The following ATP6V1B2 variants were observed in gnomAD, a reference collection of about 807,000 sequenced individuals.
The protein encoded by ATP6V1B2 is V-type proton ATPase subunit B, brain isoform.
A neutral mutation model predicts 66.7 loss-of-function variants in ATP6V1B2; 23 were observed. The observed-to-expected ratio is 0.34, with a 90% CI of 0.25 to 0.49. The LOEUF (loss-of-function observed/expected upper bound fraction) is 0.49. Among genes scored for constraint, ATP6V1B2 ranks in the 20% least tolerant of loss-of-function variants. The pLI is 0.99. For synonymous variants in ATP6V1B2, 278 were observed against 236.7 expected, an observed-to-expected ratio of 1.17 and a Z score of -1.60; for missense variants, 478 against 650.8, an observed-to-expected ratio of 0.73 and a Z score of 2.89.
intron 10 of ATP6V1B2, chr8:20,215,352 T>G (rs1440336137): frequency 6.5e-6 from 1 of 154,602 alleles, no homozygotes; most frequent in African/African-American, 2.4e-5. Flanking sequence ...CAGTGCCACA[T>G]GAGGAGTACA....
In ATP6V1B2 at chr8:20,201,227, C is replaced by G. The variant is rs576092926; in HGVS notation, c.137-3257C>G. On this transcript the variant is annotated intron_variant, in intron 1 of 13. Coordinates refer to ENST00000276390, the MANE Select transcript of ATP6V1B2 (RefSeq NM_001693.4). Reference sequence around the variant, plus strand: ...GTTCTGATTATCCCCCATTCACACACCTACGGGCTCAAATTCTTTTTCATT... The same window carrying G: ...GTTCTGATTATCCCCCATTCACACAGCTACGGGCTCAAATTCTTTTTCATT... Among the ~76,000 whole-genome samples the G allele has an allele frequency of 9.8e-5, 15 of 152,288 alleles. No individual in the cohort carries two copies. In the South Asian group the frequency reaches 3.1e-3, roughly 32 times the overall value.
chr8:20,211,070 C>G (rs1403760374), intron 5 of ATP6V1B2, 107 bp from the exon 6 acceptor site: 15 of 1,398,212 alleles, frequency 1.1e-5, no homozygotes, highest in African/African-American at 6.0e-5. Flanking sequence ...TTATGTAGTT[C>G]TGGTCTTCTG....
At chr8:20,216,676 ATTAAGAATC>A in intron 11 of ATP6V1B2, 181 bp downstream of exon 11, 1 of 522,410 alleles carries the variant, frequency 1.9e-6, no homozygotes, top group Non-Finnish European at 3.3e-6. Context: ...GAGCGCCAGA[ATTAAGAATC>A]TTCTTAACAC....
intron 2 of ATP6V1B2, among the ~76,000 whole-genome samples, chr8:20,207,721 T>TA (rs922264492): frequency 5.1e-4 from 66 of 129,988 alleles, no homozygotes; most frequent in African/African-American, 9.9e-4. Context: ...ACTTAAAGTA[T>TA]AAAAAAAAAA....
At chr8:20,198,437 T>C (rs932911489) in intron 1 of ATP6V1B2, among the ~76,000 whole-genome samples, 6 of 152,224 alleles carry the variant, frequency 3.9e-5, no homozygotes, top group African/African-American at 1.4e-4. Flanking sequence ...CTTAATGAAC[T>C]AGGTTTAAGT....
At chr8:20,198,313 G>C (rs1302857747) in intron 1 of ATP6V1B2, among the ~76,000 whole-genome samples, 4 of 152,214 alleles carry the variant, frequency 2.6e-5, no homozygotes, top group Non-Finnish European at 5.9e-5. Context: ...TTACTGACCA[G>C]TTAACCAAAC....
At chr8:20,215,524 C>A (rs1452364069) in intron 10 of ATP6V1B2, 1 of 152,274 alleles carries the variant, frequency 6.6e-6, no homozygotes, top group African/African-American at 2.4e-5. Context: ...TTTTGAACAA[C>A]ACTTTGACAA....
rs955115865 is a variant in ATP6V1B2 at position 20,212,710 on chromosome 8, G to A, written c.804-72G>A. On this transcript the variant is annotated intron_variant, in intron 8 of 13. Coordinates refer to ENST00000276390, the MANE Select transcript of ATP6V1B2 (RefSeq NM_001693.4). ...AAGGGGAATTGTACTGTTATTTCCAGAATCATTTCTTTTTGTGTTTTCTTT... is the reference window on the plus strand; with the variant it reads ...AAGGGGAATTGTACTGTTATTTCCAAAATCATTTCTTTTTGTGTTTTCTTT... The A allele has an allele frequency of 2.5e-6, 4 of 1,572,122 alleles. No homozygotes were observed. In the African/African-American group the frequency reaches 5.5e-5, roughly 22 times the overall value.
intron 2 of ATP6V1B2, among the ~76,000 whole-genome samples, chr8:20,208,655 G>T (rs2072761821): frequency 6.6e-6 from 1 of 151,696 alleles, no homozygotes; most frequent in Non-Finnish European, 1.5e-5. Flanking sequence ...ACTAGATTGA[G>T]GATGAGACTT....
chr8:20,218,158 GTGCTA>G lies in ATP6V1B2; in HGVS notation c.1279_1283del (p.Ala427TrpfsTer20). ...GGTGCCTTTCTTCTCTTTAGTATGC[GTGCTA>G]TGCTATTGGAAAGGATGTGCAAGCC... On this transcript the variant is annotated frameshift_variant, in exon 13 of 14. Coordinates refer to ENST00000276390, the MANE Select transcript of ATP6V1B2 (RefSeq NM_001693.4). LOFTEE classifies it high-confidence loss of function. 1 of 1,612,820 alleles carries G rather than the reference GTGCTA, an allele frequency of 6.2e-7. No individual in the cohort carries two copies.
chr8:20,208,271 A>G (rs2072757951), intron 2 of ATP6V1B2, among the ~76,000 whole-genome samples: 1 of 152,222 alleles, frequency 6.6e-6, no homozygotes. Flanking sequence ...GGAACAACCT[A>G]GAACTCCACT....
In ATP6V1B2 at chr8:20,197,415, G is replaced by T. The variant is rs762871080; in HGVS notation, c.9G>T (p.Leu3=). The T allele has an allele frequency of 1.9e-6, 3 of 1,542,668 alleles. No homozygotes were observed. In the Admixed American group the frequency reaches 5.9e-5, roughly 30 times the overall value. The change falls in exon 1 of 14, where the codon CTG becomes CTT. Residue 3 remains leucine (L), a synonymous_variant. Transcript: ENST00000276390. The stretch of plus-strand genomic sequence containing the variant: ...GGGACAGAGGAGACAAGATGGCGCT[G>T]CGGGCGATGCGGGGGATTGTCAACG... MA[L]RAMRGIVNGA...
intron 2 of ATP6V1B2, among the ~76,000 whole-genome samples, chr8:20,206,610 G>C (rs1289571002): frequency 2.0e-5 from 3 of 152,290 alleles, no homozygotes; most frequent in Admixed American, 2.0e-4. Context: ...AGGCCCTGAA[G>C]AGTCCCGAGC....
At chr8:20,204,079 C>G (rs1344899271) in intron 1 of ATP6V1B2, 2 of 449,474 alleles carry the variant, frequency 4.4e-6, no homozygotes, top group East Asian at 6.9e-5. Flanking sequence ...ACTTTTCTCC[C>G]TGAGGTGAGA....
chr8:20,210,108 A>C lies in ATP6V1B2; in HGVS notation c.292-238A>C, dbSNP rs548362510. ...TATATATATTTATATATTTATATTTATGTATGTGTATATATATAAACATGC... is the reference window on the plus strand; with the variant it reads ...TATATATATTTATATATTTATATTTCTGTATGTGTATATATATAAACATGC... On this transcript the variant is annotated intron_variant, in intron 3 of 13. Transcript: ENST00000276390. Among the ~76,000 whole-genome samples, 596 of 148,820 alleles carry C rather than the reference A, an allele frequency of 4.0e-3. 2 individuals are homozygous for C. Among genetic ancestry groups the C allele is most frequent in the African/African-American group, 0.013 (551 of 40,938 alleles).
At chr8:20,207,938 G>T (rs1395547962) in intron 2 of ATP6V1B2, among the ~76,000 whole-genome samples, 2 of 152,162 alleles carry the variant, frequency 1.3e-5, no homozygotes, top group Non-Finnish European at 2.9e-5. Context: ...TAATATGAAT[G>T]AATAATTGAC....
At chr8:20,209,099 A>C (rs776455288) in intron 2 of ATP6V1B2, among the ~76,000 whole-genome samples, 7 of 152,164 alleles carry the variant, frequency 4.6e-5, no homozygotes, top group Non-Finnish European at 7.3e-5. Flanking sequence ...CATCATTTCT[A>C]GGTGGTGAGA....
chr8:20,210,841 A>C (rs2072786412), intron 5 of ATP6V1B2, among the ~76,000 whole-genome samples, 195 bp downstream of exon 5: 1 of 152,118 alleles, frequency 6.6e-6, no homozygotes, highest in Non-Finnish European at 1.5e-5. Flanking sequence ...TTAATATCTT[A>C]AGATACTGTA....
intron 10 of ATP6V1B2, 165 bp downstream of exon 10, chr8:20,215,133 T>C: frequency 1.2e-6 from 1 of 831,824 alleles, no homozygotes; most frequent in East Asian, 3.0e-5. Context: ...CCCACAGTTA[T>C]TATCCTATTG....
Sources: gnomAD v4.1 joint callset for allele counts (sites outside exome capture counted in the v4.1 genomes callset) on GRCh38, gnomAD v4.1.1 for gene constraint, MANE v1.5 for transcripts, NCBI Gene and HGNC (gene_info 2026-07-23, HGNC 2026-07-21) for gene names.